UTRN: variants seen among roughly 807,000 people sequenced by gnomAD.
UTRN encodes utrophin.
UTRN carries 283 observed loss-of-function variants against 463.9 expected under a neutral mutation model. That is an observed-to-expected ratio of 0.61 (90% CI 0.55 to 0.67). The LOEUF is 0.67. Ranked by LOEUF, UTRN falls within the 30% of genes least tolerant of loss-of-function variation. UTRN has a pLI of 0.00. For synonymous variants in UTRN, 1,442 were observed against 1,431.5 expected, an observed-to-expected ratio of 1.01 and a Z score of -0.17; for missense variants, 3,922 against 4,084.3, an observed-to-expected ratio of 0.96 and a Z score of 1.08.
chr6:144,706,043 C>T (rs1785053262), intron 53 of UTRN, among the ~76,000 whole-genome samples: 1 of 151,940 alleles, frequency 6.6e-6, no homozygotes, highest in Admixed American at 6.6e-5. Context: ...TCATAATTAT[C>T]GAATAGTCTA....
intron 51 of UTRN, among the ~76,000 whole-genome samples, chr6:144,676,276 A>G (rs1562748780): frequency 1.3e-5 from 2 of 152,136 alleles, no homozygotes; most frequent in Non-Finnish European, 2.9e-5. Flanking sequence ...TTAGATTGTT[A>G]TTTACATGCC....
chr6:144,539,484 GA>G, intron 45 of UTRN, 41 bp downstream of exon 45: 1 of 1,530,906 alleles, frequency 6.5e-7, no homozygotes, highest in Non-Finnish European at 8.8e-7. Flanking sequence ...CATATTTATT[GA>G]TTTTGTTGTC....
At position 144,657,213 on chromosome 6, in the gene UTRN, G is replaced by GCAC. The variant is rs1390001438; in HGVS notation, c.7480-21192_7480-21190dup. ...TGCGCTGAGCTGAGATCGCGCCATT[G>GCAC]CACTCCAGCCTGGGCAACAAGAGCG... On this transcript the variant is annotated intron_variant, in intron 51 of 74. Transcript: ENST00000367545. 3.0e-5 allele frequency among the ~76,000 whole-genome samples: 4 copies of GCAC among 135,094 alleles called. No individual in the cohort carries two copies. The East Asian group carries it at 9.5e-4, about 32-fold the overall frequency. 88.6% of individuals were successfully genotyped at this position (135,094 alleles called of 152,430 possible).
intron 2 of UTRN, among the ~76,000 whole-genome samples, chr6:144,399,122 T>C (rs538289548): frequency 3.3e-5 from 5 of 152,158 alleles, no homozygotes; most frequent in Non-Finnish European, 7.4e-5. Flanking sequence ...AACATTTCTG[T>C]TTGAGAGCAG....
At chr6:144,555,254 C>G (rs1437227795) in intron 49 of UTRN, among the ~76,000 whole-genome samples, 2 of 152,084 alleles carry the variant, frequency 1.3e-5, no homozygotes, top group East Asian at 3.9e-4. Context: ...CTACCTGAGA[C>G]TGAGTAATTT....
chr6:144,439,005 C>A, intron 12 of UTRN, 110 bp downstream of exon 12: 1 of 1,201,768 alleles, frequency 8.3e-7, no homozygotes, highest in Non-Finnish European at 1.2e-6. Context: ...GACACTTCTT[C>A]AGGGTTGTCT....
At chr6:144,694,997 G>C (rs1783839898) in intron 52 of UTRN, among the ~76,000 whole-genome samples, 1 of 148,702 alleles carries the variant, frequency 6.7e-6, no homozygotes, top group Non-Finnish European at 1.5e-5. Flanking sequence ...TGAGAGTGAG[G>C]CTATCTGATT....
At chr6:144,416,582 C>G (rs988294422) in intron 3 of UTRN, among the ~76,000 whole-genome samples, 1 of 152,148 alleles carries the variant, frequency 6.6e-6, no homozygotes, top group African/African-American at 2.4e-5. Context: ...CAGTAGTGTC[C>G]CAGCCGCAAG....
intron 58 of UTRN, among the ~76,000 whole-genome samples, chr6:144,762,364 G>T (rs960755768): frequency 6.6e-6 from 1 of 152,152 alleles, no homozygotes; most frequent in African/African-American, 2.4e-5. Flanking sequence ...ATTTAGGAAG[G>T]AGGATAGTAG....
chr6:144,446,985 A>C (rs1254231422), intron 14 of UTRN, among the ~76,000 whole-genome samples: 1 of 152,220 alleles, frequency 6.6e-6, no homozygotes, highest in Non-Finnish European at 1.5e-5. Flanking sequence ...CCTAGGTATG[A>C]GGCTAATGTC....
intron 30 of UTRN, among the ~76,000 whole-genome samples, chr6:144,489,175 G>A (rs1296189840): frequency 2.6e-5 from 4 of 151,906 alleles, no homozygotes; most frequent in Non-Finnish European, 5.9e-5. Flanking sequence ...TCAGCCTCCC[G>A]AATAACTGGG....
At chr6:144,333,566 A>G (rs1326543575) in intron 2 of UTRN, among the ~76,000 whole-genome samples, 3 of 152,230 alleles carry the variant, frequency 2.0e-5, no homozygotes, top group Non-Finnish European at 4.4e-5. Context: ...AGAAAGGAAA[A>G]TCTAAAGGTG....
In UTRN at chr6:144,815,953, C is replaced by T. The variant is rs140723165; in HGVS notation, c.9358-4929C>T. Among the ~76,000 whole-genome samples the T allele has an allele frequency of 1.4e-4, 21 of 151,948 alleles. No homozygotes were observed. The East Asian group carries it at 1.4e-3, about 10-fold the overall frequency. On this transcript the variant is annotated intron_variant, in intron 65 of 74. Transcript: ENST00000367545. ...TTTTGCAATTCCCAATGAATGGATACGGACACTTAGCATGAACAGCTGCTA... is the reference window on the plus strand; with the variant it reads ...TTTTGCAATTCCCAATGAATGGATATGGACACTTAGCATGAACAGCTGCTA...
At chr6:144,788,824 A>G (rs1487266480) in intron 61 of UTRN, among the ~76,000 whole-genome samples, 2 of 152,176 alleles carry the variant, frequency 1.3e-5, no homozygotes, top group African/African-American at 4.8e-5. Context: ...TGGCCTCCCA[A>G]AGTGCTGGGA....
chr6:144,511,963 T>C (rs1795213954), intron 35 of UTRN, among the ~76,000 whole-genome samples: 1 of 152,116 alleles, frequency 6.6e-6, no homozygotes, highest in African/African-American at 2.4e-5. Context: ...GATAGAGACA[T>C]AAAAAATACA....
At chr6:144,469,848 C>G (rs571522841) in intron 23 of UTRN, among the ~76,000 whole-genome samples, 12 of 151,754 alleles carry the variant, frequency 7.9e-5, no homozygotes. Context: ...AGGGCCCTGC[C>G]GCCTTCCGCA....
rs866689189 is a variant in UTRN, at chr6:144,461,344, T to G, written c.2853+2T>G. Reference sequence around the variant, plus strand: ...GAGAAGGCCCTGCAAGAAAAAAAGGTAACATATATCTTCCATGTTAGAACT... The same window carrying G: ...GAGAAGGCCCTGCAAGAAAAAAAGGGAACATATATCTTCCATGTTAGAACT... On this transcript the variant is annotated splice_donor_variant, in intron 22 of 74. Coordinates refer to ENST00000367545, the MANE Select transcript of UTRN (RefSeq NM_007124.3). LOFTEE classifies it high-confidence loss of function. 1 of 1,558,174 alleles carries G rather than the reference T, an allele frequency of 6.4e-7. No individual in the cohort carries two copies. The highest frequency in any genetic ancestry group is 2.3e-5 in the East Asian group (1 of 44,214).
intron 2 of UTRN, among the ~76,000 whole-genome samples, chr6:144,385,272 G>A (rs1173994510): frequency 3.3e-5 from 5 of 152,104 alleles, no homozygotes; most frequent in African/African-American, 9.7e-5. Context: ...CTGTGCACAT[G>A]GATTACGATC....
In UTRN at chr6:144,379,490, G is replaced by A. The variant is rs571491070; in HGVS notation, c.80-23633G>A. 5.3e-5 allele frequency among the ~76,000 whole-genome samples: 8 copies of A among 152,330 alleles called. No individual in the cohort carries two copies. The East Asian group carries it at 7.7e-4, about 15-fold the overall frequency. On this transcript the variant is annotated intron_variant, in intron 2 of 74. Coordinates refer to ENST00000367545, the MANE Select transcript of UTRN (RefSeq NM_007124.3). Reference sequence around the variant, plus strand: ...GTCGAAGGCCACAGTTTCTCGCCACGTGGGCCTCTCTCTAGGGTGCTTGAG... The same window carrying A: ...GTCGAAGGCCACAGTTTCTCGCCACATGGGCCTCTCTCTAGGGTGCTTGAG...
Sources: gnomAD v4.1 joint callset for allele counts (sites outside exome capture counted in the v4.1 genomes callset) on GRCh38, gnomAD v4.1.1 for gene constraint, MANE v1.5 for transcripts, NCBI Gene and HGNC (gene_info 2026-07-23, HGNC 2026-07-21) for gene names.